The following EPHA10 variants were observed in gnomAD, a reference collection of about 807,000 sequenced individuals.
EPHA10 encodes ephrin type-A receptor 10.
A neutral mutation model predicts 109.7 loss-of-function variants in EPHA10; 120 were observed. The ratio of observed to expected loss-of-function variants is 1.09; its 90% CI spans 0.94 to 1.27. The LOEUF (loss-of-function observed/expected upper bound fraction) is 1.27, where lower values mean the gene tolerates loss of function less well. EPHA10 is among the 50% of genes most tolerant of loss of function. The pLI, the probability that EPHA10 is intolerant of heterozygous loss-of-function variation, is 0.00. For missense variants in EPHA10, 1,396 were observed against 1,411.1 expected (o/e 0.99, Z 0.17); for synonymous variants, 640 against 618.9 (o/e 1.03, Z -0.51).
chr1:37,718,321 C>T lies in EPHA10; in HGVS notation c.*51G>A. ...AGCTTGCCACGGTCCTTGGGCAGGG[C>T]TGGGGGACTGGACCCCCACCGGAGT... is the stretch of plus-strand genomic sequence containing the variant. On this transcript the variant is annotated 3_prime_UTR_variant, in exon 17 of 17. Transcript: ENST00000373048. 1 of 1,468,100 alleles carries T rather than the reference C, an allele frequency of 6.8e-7. No individual in the cohort carries two copies. The highest frequency in any genetic ancestry group is 1.3e-5 in the South Asian group (1 of 79,298). 90.9% of individuals were successfully genotyped at this position (1,468,100 alleles called of 1,614,324 possible).
intron 14 of EPHA10, 86 bp from the exon 15 acceptor site, chr1:37,719,693 CACAG>C (rs1479699493): frequency 4.7e-6 from 7 of 1,476,378 alleles, no homozygotes; most frequent in African/African-American, 1.4e-5. Flanking sequence ...CACACACAGA[CACAG>C]ACACACACAC....
At position 37,725,726 on chromosome 1, in the gene EPHA10, G is replaced by A. The variant is rs181685189; in HGVS notation, c.1772+1376C>T. On this transcript the variant is annotated intron_variant, in intron 8 of 16. Coordinates refer to ENST00000373048, the MANE Select transcript of EPHA10 (RefSeq NM_001099439.2). ...AGGAGAGATGGGTGGAGATGAAGGG[G>A]GGAAGGCTGAGTGGATGGAGGAGCG... Among the ~76,000 whole-genome samples the A allele has an allele frequency of 3.6e-3, 545 of 152,196 alleles. 4 individuals are homozygous for A. The highest frequency in any genetic ancestry group is 0.013 in the African/African-American group (526 of 41,526).
At position 37,754,077 on chromosome 1, in the gene EPHA10, C is replaced by T. The variant is rs1006969559; in HGVS notation, c.1006+138G>A. 1 of 1,018,106 alleles carries T rather than the reference C, an allele frequency of 9.8e-7. No homozygotes were observed. Among genetic ancestry groups the T allele is most frequent in the Non-Finnish European group, 1.3e-6 (1 of 790,678 alleles). The allele number at this position is 1,018,106 out of a possible 1,614,324, so 63.1% of individuals were successfully genotyped here. A position where few individuals can be genotyped will look rare whatever the true frequency, so the allele number is the denominator to read the frequency against. ...GCTCCGCTCCCCCGTACGCCGCCTT[C>T]CGGGGCGCTGGCCCCCATATCCGCC... On this transcript the variant is annotated intron_variant, in intron 4 of 16. Coordinates refer to ENST00000373048, the MANE Select transcript of EPHA10 (RefSeq NM_001099439.2). The surrounding 1 kb of genome is among the most constrained non-coding windows in gnomAD (Gnocchi z 4.5).
In EPHA10 at chr1:37,732,863, C is replaced by CTTTTT. The variant is rs56226051; in HGVS notation, c.1492-1286_1492-1282dup. On this transcript the variant is annotated intron_variant, in intron 6 of 16. Transcript: ENST00000373048. ...CAAATATAGCCCTTTTATACTTGTT[C>CTTTTT]TTTTTTTTTTTTTTTTTTTTTTTTT... Among the ~76,000 whole-genome samples, 63 of 25,028 alleles carry CTTTTT rather than the reference C, an allele frequency of 2.5e-3. 10 individuals carry two copies. Among genetic ancestry groups the CTTTTT allele is most frequent in the Non-Finnish European group, 3.0e-3 (36 of 12,014 alleles). 16.4% of individuals were successfully genotyped at this position (25,028 alleles called of 152,430 possible).
At chr1:37,715,223 T>A (rs1645675162), downstream of EPHA10, among the ~76,000 whole-genome samples, 1 of 152,090 alleles carries the variant, frequency 6.6e-6, no homozygotes, top group South Asian at 2.1e-4. Context: ...AGAGATGGGG[T>A]TTCACCATGT....
chr1:37,762,732 G>A, intron 2 of EPHA10, 53 bp downstream of exon 2: 1 of 1,493,136 alleles, frequency 6.7e-7, no homozygotes, highest in Non-Finnish European at 9.0e-7. Flanking sequence ...AGGAGACTGT[G>A]TCCTGGACCA....
Position 37,721,850 on chromosome 1 carries a change from G to T in EPHA10, c.1961-5C>A, listed in dbSNP as rs765790502. 1 of 1,571,590 alleles carries T rather than the reference G, an allele frequency of 6.4e-7. No individual in the cohort carries two copies. Among genetic ancestry groups the T allele is most frequent in the South Asian group, 1.2e-5 (1 of 86,622 alleles). The stretch of plus-strand genomic sequence containing the variant: ...AGCACAGCTCCCCAAACCGCCCTGT[G>T]GGGAAACAGCACCTCAGATACCGCC... On this transcript the variant is annotated splice_polypyrimidine_tract_variant and splice_region_variant and intron_variant, in intron 10 of 16. Transcript: ENST00000373048.
At position 37,718,755 on chromosome 1, in the gene EPHA10, C is replaced by A. The variant is rs373108334; in HGVS notation, c.2818G>T (p.Ala940Ser). ...CACAGGTCCAGGGCCTCCAGCCACGCGCCCACAGAGCCAAAGGAGGGGAAG... is the reference window on the plus strand; with the variant it reads ...CACAGGTCCAGGGCCTCCAGCCACGAGCCCACAGAGCCAAAGGAGGGGAAG... ...STFPSFGSVGAWLEALDLCRY... is the reference protein window; with the variant it reads ...STFPSFGSVGSWLEALDLCRY... Residue 940 changes from alanine (A) to serine (S), a missense_variant, in exon 16 of 17, where the codon GCG (alanine) becomes TCG (serine). Coordinates refer to ENST00000373048, the MANE Select transcript of EPHA10 (RefSeq NM_001099439.2). The A allele has an allele frequency of 2.6e-5, 42 of 1,612,992 alleles. No individual in the cohort carries two copies. Among genetic ancestry groups the A allele is most frequent in the Non-Finnish European group, 3.4e-5 (40 of 1,180,000 alleles).
In EPHA10 at chr1:37,727,188, C is replaced by G. The variant is rs757920546; in HGVS notation, c.1686G>C (p.Gln562His). The change falls in exon 8 of 17, where the codon CAG becomes CAC. Residue 562 changes from glutamine to histidine, a missense_variant. Physicochemically the swap from Gln to His is conservative, Grantham distance 24. Transcript: ENST00000373048. Reference protein sequence around the residue: ...LGEAASGSRDQSPAIVVTVVT... With the variant: ...LGEAASGSRDHSPAIVVTVVT... ...CTACGGTGACGACAATGGCGGGGCT[C>G]TGGTCCCTGGACCCTGAGGCAGCTG... 3 of 1,610,546 alleles carry G rather than the reference C, an allele frequency of 1.9e-6. No individual in the cohort carries two copies. The South Asian group carries it at 3.3e-5, about 18-fold the overall frequency.
In EPHA10 at chr1:37,718,691, C is replaced by T. The variant is rs1645733369; in HGVS notation, c.2882G>A (p.Ser961Asn). 6.2e-7 allele frequency: 1 copy of T among 1,613,236 alleles called. No individual in the cohort carries two copies. The highest frequency in any genetic ancestry group is 8.5e-7 in the Non-Finnish European group (1 of 1,180,026). The change falls in exon 16 of 17, where the codon AGC (serine) becomes AAC (asparagine). Residue 961 changes from serine (S) to asparagine (N), a missense_variant. Physicochemically the swap from Ser to Asn is conservative, Grantham distance 46. Transcript: ENST00000373048. ...KDSFAAAGYGSLEAVAEMTAQ... is the reference protein window; with the variant it reads ...KDSFAAAGYGNLEAVAEMTAQ... ...AGTCATCTCGGCCACGGCCTCCAGGCTCCCATAGCCAGCAGCCGCGAAGCT... is the reference window on the plus strand; with the variant it reads ...AGTCATCTCGGCCACGGCCTCCAGGTTCCCATAGCCAGCAGCCGCGAAGCT...
chr1:37,751,611 C>T (rs545541006), intron 5 of EPHA10, among the ~76,000 whole-genome samples: 2 of 149,364 alleles, frequency 1.3e-5, no homozygotes, highest in African/African-American at 2.5e-5. Flanking sequence ...CAGTGGCTCA[C>T]GTCTGTAATC....
Position 37,720,476 on chromosome 1 carries a change from C to T in EPHA10, c.2287G>A (p.Glu763Lys). ...GLASAMKYLSEMGYVHRGLAA... is the reference protein window; with the variant it reads ...GLASAMKYLSKMGYVHRGLAA... ...AGGCCCCGGTGAACGTAGCCCATCTCTGACAGATACTTCATGGCTGATGCC... is the reference window on the plus strand; with the variant it reads ...AGGCCCCGGTGAACGTAGCCCATCTTTGACAGATACTTCATGGCTGATGCC... The change falls in exon 13 of 17, where the codon GAG (glutamate) becomes AAG (lysine). Residue 763 changes from glutamate to lysine, a missense_variant. Glu to Lys is a moderately conservative substitution (Grantham distance 56). Transcript: ENST00000373048. The T allele has an allele frequency of 1.2e-6, 2 of 1,613,576 alleles. No individual in the cohort carries two copies.
At position 37,761,874 on chromosome 1, in the gene EPHA10, G is replaced by T. The variant is rs761293236; in HGVS notation, c.381C>A (p.Asn127Lys). The T allele has an allele frequency of 6.2e-7, 1 of 1,611,920 alleles. No homozygotes were observed. The highest frequency in any genetic ancestry group is 1.3e-5 in the African/African-American group (1 of 74,936). Residue 127 changes from asparagine (N) to lysine (K), a missense_variant, in exon 3 of 17, where the codon AAC becomes AAA. Transcript: ENST00000373048. ...CGGCCTCAGTTTCCAGGTAGTAGAC[G>T]TTGAAGGTCTCCTTGCAGGTACCCG... ...GAAGTCKETFNVYYLETEADL... is the reference protein window; with the variant it reads ...GAAGTCKETFKVYYLETEADL...
intron 6 of EPHA10, 45 bp from the exon 7 acceptor site, chr1:37,731,627 T>C (rs1329045094): frequency 6.4e-7 from 1 of 1,557,992 alleles, no homozygotes; most frequent in South Asian, 1.2e-5. Flanking sequence ...CCAGATCCAC[T>C]GTTCTAGGAG....
chr1:37,721,493 G>C (rs1360630861), intron 11 of EPHA10, among the ~76,000 whole-genome samples, 167 bp downstream of exon 11: 3 of 152,056 alleles, frequency 2.0e-5, no homozygotes, highest in Non-Finnish European at 4.4e-5. Context: ...GGCCGCTCCA[G>C]GAGAAGGGCC....
chr1:37,720,559 G>C lies in EPHA10; in HGVS notation c.2209-5C>G. 6.2e-7 allele frequency: 1 copy of C among 1,607,086 alleles called. No individual in the cohort carries two copies. The highest frequency in any genetic ancestry group is 1.1e-5 in the South Asian group (1 of 90,122). On this transcript the variant is annotated splice_polypyrimidine_tract_variant and splice_region_variant and intron_variant, in intron 12 of 16. Transcript: ENST00000373048. Reference sequence around the variant, plus strand: ...CACCAGCTGCCCCTCGTGCCGCTGTGGAGGGAGAAGACTGAGGCCAGGGCT... The same window carrying C: ...CACCAGCTGCCCCTCGTGCCGCTGTCGAGGGAGAAGACTGAGGCCAGGGCT...
chr1:37,749,815 A>G (rs1646296196), intron 5 of EPHA10, among the ~76,000 whole-genome samples: 1 of 152,244 alleles, frequency 6.6e-6, no homozygotes, highest in Non-Finnish European at 1.5e-5. Context: ...ATCAGAGTGT[A>G]CTTACACAAA....
intron 5 of EPHA10, among the ~76,000 whole-genome samples, chr1:37,744,664 A>G (rs546116223): frequency 2.0e-3 from 123 of 61,034 alleles, no homozygotes; most frequent in African/African-American, 6.7e-3. Flanking sequence ...CATCTTGGGG[A>G]AAAAAAAAAA....
chr1:37,735,797 G>A (rs761518114), intron 5 of EPHA10, among the ~76,000 whole-genome samples: 2 of 152,050 alleles, frequency 1.3e-5, no homozygotes, highest in Non-Finnish European at 2.9e-5. Context: ...GATTCCAATG[G>A]TCTGGTCAAG....
Sources: gnomAD v4.1 joint callset for allele counts (sites outside exome capture counted in the v4.1 genomes callset) on GRCh38, gnomAD v4.1.1 for gene constraint, Gnocchi (gnomAD v3.1) non-coding constraint, MANE v1.5 for transcripts, NCBI Gene and HGNC (gene_info 2026-07-23, HGNC 2026-07-21) for gene names.